CCDC12: variants seen among roughly 807,000 people sequenced by gnomAD.
The protein encoded by CCDC12 is coiled-coil domain-containing protein 12.
In CCDC12, 28 loss-of-function variants were observed where a neutral mutation model predicts 25.7. The ratio of observed to expected loss-of-function variants is 1.09; its 90% CI spans 0.81 to 1.50. CCDC12 has a LOEUF of 1.50. Ranked by LOEUF, CCDC12 falls within the 40% of genes most tolerant of loss-of-function variation. The pLI, the probability that CCDC12 is intolerant of heterozygous loss-of-function variation, is 0.00. For synonymous variants in CCDC12, 75 were observed against 87.7 expected (o/e 0.86, Z 0.81); for missense variants, 198 against 210.0 (o/e 0.94, Z 0.35).
Position 46,976,644 on chromosome 3 carries a change from C to G in CCDC12, c.89G>C (p.Gly30Ala). ...TCACTCCACACTTCTCACCTTGCGC[C>G]CGGTTTTCTCCCGTAGGGCCTTCAG... ...ERLKALREKT[G>A]RKDKEDGEPK... Residue 30 changes from glycine (G) to alanine (A), a missense_variant, in exon 1 of 7, where the codon GGG (glycine) becomes GCG (alanine). By Grantham distance (60) the Gly-to-Ala change is moderately conservative (BLOSUM62 0). Transcript: ENST00000683445. The G allele has an allele frequency of 3.1e-6, 5 of 1,610,982 alleles. No individual in the cohort carries two copies. The highest frequency in any genetic ancestry group is 4.2e-6 in the Non-Finnish European group (5 of 1,178,608).
chr3:46,930,550 T>C (rs575094133), intron 2 of CCDC12, among the ~76,000 whole-genome samples: 10 of 152,184 alleles, frequency 6.6e-5, no homozygotes, highest in Non-Finnish European at 1.2e-4. Context: ...GTCCACCCTA[T>C]ACCGGCAGCC....
intron 1 of CCDC12, 120 bp downstream of exon 1, chr3:46,976,517 G>A: frequency 1.4e-6 from 2 of 1,447,770 alleles, no homozygotes; most frequent in Non-Finnish European, 1.8e-6. Context: ...ATGCGTTAGC[G>A]CCCGCGCATG....
intron 3 of CCDC12, chr3:46,925,005 G>A: frequency 2.9e-6 from 1 of 342,038 alleles, no homozygotes; most frequent in South Asian, 2.3e-5. Context: ...CCTGGGCCAG[G>A]CCCTCTCCCC....
chr3:46,970,049 T>C (rs1378665107), intron 1 of CCDC12, among the ~76,000 whole-genome samples: 1 of 151,970 alleles, frequency 6.6e-6, no homozygotes, highest in East Asian at 1.9e-4. Flanking sequence ...GAACTATAAG[T>C]GCACGACACC....
chr3:46,978,984 AAAAC>A (rs1295507446), upstream of CCDC12, among the ~76,000 whole-genome samples: 2 of 152,284 alleles, frequency 1.3e-5, no homozygotes, highest in South Asian at 2.1e-4. Flanking sequence ...CTCTGTCTCA[AAAAC>A]AAACAAAAAA....
At chr3:46,948,692 C>T (rs979123775) in intron 1 of CCDC12, among the ~76,000 whole-genome samples, 30 of 152,344 alleles carry the variant, frequency 2.0e-4, no homozygotes, top group Admixed American at 5.9e-4. Context: ...AAGAGAGGCA[C>T]GCTGGGCCCC....
At chr3:46,979,815 G>T, upstream of CCDC12, 2 of 407,612 alleles carry the variant, frequency 4.9e-6, no homozygotes, top group South Asian at 7.4e-5. Flanking sequence ...CGGCGCGGAG[G>T]AGGCGGCGAC....
intron 1 of CCDC12, among the ~76,000 whole-genome samples, chr3:46,969,870 A>C (rs2034751784): frequency 6.6e-6 from 1 of 151,558 alleles, no homozygotes; most frequent in Non-Finnish European, 1.5e-5. Context: ...ATGTAAACTA[A>C]CTAAAATTAA....
chr3:46,976,741 C>T lies in CCDC12; in HGVS notation c.-9G>A. The T allele has an allele frequency of 6.2e-7, 1 of 1,601,362 alleles. No homozygotes were observed. The highest frequency in any genetic ancestry group is 8.5e-7 in the Non-Finnish European group (1 of 1,174,150). ...GCCGTAGTTGCCTCCATCTTGCCCGCGTACGCCCCTCCTTTTCTCCCGTCT... is the reference window on the plus strand; with the variant it reads ...GCCGTAGTTGCCTCCATCTTGCCCGTGTACGCCCCTCCTTTTCTCCCGTCT... On this transcript the variant is annotated 5_prime_UTR_variant, in exon 1 of 7. Transcript: ENST00000683445.
At chr3:46,930,891 C>G (rs549395047) in intron 2 of CCDC12, among the ~76,000 whole-genome samples, 1 of 152,142 alleles carries the variant, frequency 6.6e-6, no homozygotes, top group Admixed American at 6.5e-5. Flanking sequence ...ACTCCATGCA[C>G]GTGGCCCTGT....
chr3:46,978,016 G>GC (rs1418495319), upstream of CCDC12, among the ~76,000 whole-genome samples: 6 of 152,298 alleles, frequency 3.9e-5, no homozygotes, highest in Non-Finnish European at 2.9e-5. Flanking sequence ...AGACCATGCC[G>GC]CCCCCTCTCC....
chr3:46,968,469 G>A (rs2034704723), intron 1 of CCDC12, among the ~76,000 whole-genome samples: 1 of 152,202 alleles, frequency 6.6e-6, no homozygotes. Flanking sequence ...TAAAAGGCCT[G>A]TGTGCAAGAT....
At chr3:46,955,552 G>A (rs2034264627) in intron 1 of CCDC12, among the ~76,000 whole-genome samples, 1 of 152,304 alleles carries the variant, frequency 6.6e-6, no homozygotes, top group South Asian at 2.1e-4. Context: ...GGGAATGTCA[G>A]GGTCACTAGA....
chr3:46,978,580 C>A (rs1054303386), upstream of CCDC12, among the ~76,000 whole-genome samples: 1 of 145,402 alleles, frequency 6.9e-6, no homozygotes, highest in Non-Finnish European at 1.5e-5. Context: ...GAAGGGGGCA[C>A]GGGGTGATGG....
At chr3:46,935,048 C>T (rs1259813632) in intron 2 of CCDC12, among the ~76,000 whole-genome samples, 1 of 152,202 alleles carries the variant, frequency 6.6e-6, no homozygotes, top group East Asian at 1.9e-4. Context: ...GGCACTGGGC[C>T]AGGGCTGGGC....
At chr3:46,935,896 T>C (rs995110584) in intron 2 of CCDC12, among the ~76,000 whole-genome samples, 2 of 152,238 alleles carry the variant, frequency 1.3e-5, no homozygotes, top group Non-Finnish European at 2.9e-5. Context: ...AATGCAATTC[T>C]ATCAAAATCC....
intron 1 of CCDC12, among the ~76,000 whole-genome samples, chr3:46,964,822 C>T (rs971786183): frequency 6.6e-6 from 1 of 152,046 alleles, no homozygotes; most frequent in Non-Finnish European, 1.5e-5. Flanking sequence ...TGCTGAAGGC[C>T]GCAGGGTCCT....
At chr3:46,944,029 C>T (rs956472145) in intron 1 of CCDC12, among the ~76,000 whole-genome samples, 3 of 152,080 alleles carry the variant, frequency 2.0e-5, no homozygotes, top group African/African-American at 4.8e-5. Flanking sequence ...AAGATAAGGC[C>T]CTTTGCTGCC....
upstream of CCDC12, among the ~76,000 whole-genome samples, chr3:46,979,215 C>T (rs2035131093): frequency 6.6e-6 from 1 of 152,234 alleles, no homozygotes; most frequent in African/African-American, 2.4e-5. Flanking sequence ...TCCTGCTACT[C>T]TCTAACTTCC....
Sources: gnomAD v4.1 joint callset for allele counts (sites outside exome capture counted in the v4.1 genomes callset) on GRCh38, gnomAD v4.1.1 for gene constraint, MANE v1.5 for transcripts, NCBI Gene and HGNC (gene_info 2026-07-23, HGNC 2026-07-21) for gene names.